Variants in KIAA2012 observed in about 807,000 individuals in gnomAD.
KIAA2012 encodes uncharacterized protein KIAA2012.
A neutral mutation model predicts 150.6 loss-of-function variants in KIAA2012; 125 were observed. That is an observed-to-expected ratio of 0.83 (90% CI 0.72 to 0.96). The LOEUF is 0.96. Among genes scored for constraint, KIAA2012 ranks in the 40% least tolerant of loss-of-function variants. The probability of loss-of-function intolerance (pLI) is 0.00; values close to 1 mark genes in which losing one functional copy is unlikely to be tolerated. For missense variants in KIAA2012, 1,219 were observed against 1,354.9 expected, an observed-to-expected ratio of 0.90 and a Z score of 1.57; for synonymous variants, 462 against 504.7, an observed-to-expected ratio of 0.92 and a Z score of 1.13.
chr2:202,150,638 G>T (rs1226928460), intron 13 of KIAA2012, among the ~76,000 whole-genome samples: 1 of 151,970 alleles, frequency 6.6e-6, no homozygotes, highest in Non-Finnish European at 1.5e-5. Flanking sequence ...TAGTAGAAAT[G>T]GGTTTTGCTG....
intron 2 of KIAA2012, among the ~76,000 whole-genome samples, chr2:202,084,340 G>C (rs1239685774): frequency 6.6e-6 from 1 of 152,162 alleles, no homozygotes; most frequent in Non-Finnish European, 1.5e-5. Flanking sequence ...GCCAGCACTA[G>C]AGCAGGTGGA....
intron 12 of KIAA2012, among the ~76,000 whole-genome samples, chr2:202,132,728 A>ATGTATATATATATGTATATAT (rs1187071863): frequency 3.3e-5 from 2 of 60,550 alleles, no homozygotes. Context: ...ATATATATAT[A>ATGTATATATATATGTATATAT]GTATATATGT....
chr2:202,080,996 C>T (rs1424743398), intron 2 of KIAA2012, among the ~76,000 whole-genome samples: 1 of 152,022 alleles, frequency 6.6e-6, no homozygotes, highest in Admixed American at 6.5e-5. Flanking sequence ...AACAGTAACT[C>T]CCCATTTCCC....
intron 1 of KIAA2012, among the ~76,000 whole-genome samples, chr2:202,074,252 C>T (rs907526868): frequency 1.3e-5 from 2 of 151,994 alleles, no homozygotes; most frequent in African/African-American, 4.8e-5. Context: ...GATAAGAAAC[C>T]TATTGGGGAT....
intron 3 of KIAA2012, among the ~76,000 whole-genome samples, chr2:202,091,256 T>C (rs1021903427): frequency 1.3e-5 from 2 of 152,198 alleles, no homozygotes; most frequent in Non-Finnish European, 2.9e-5. Flanking sequence ...ACCCATCTTT[T>C]ACAAGATAAG....
intron 13 of KIAA2012, among the ~76,000 whole-genome samples, chr2:202,153,139 C>G (rs1691459819): frequency 6.6e-6 from 1 of 152,228 alleles, no homozygotes; most frequent in South Asian, 2.1e-4. Context: ...CTGTTAGTTA[C>G]TCTTTTGTTC....
At chr2:202,075,961 C>T (rs137958940) in intron 2 of KIAA2012, among the ~76,000 whole-genome samples, 198 of 152,364 alleles carry the variant, frequency 1.3e-3, no homozygotes, top group Middle Eastern at 3.4e-3. Context: ...CCCACCTGTT[C>T]CTGTACCACT....
At chr2:202,196,281 G>T (rs564827458) in intron 21 of KIAA2012, among the ~76,000 whole-genome samples, 1 of 133,850 alleles carries the variant, frequency 7.5e-6, no homozygotes, top group South Asian at 2.6e-4. Flanking sequence ...TGCAAGCTCC[G>T]CCTCCCAGGT....
At chr2:202,076,466 A>G (rs1343538830) in intron 2 of KIAA2012, among the ~76,000 whole-genome samples, 1 of 152,360 alleles carries the variant, frequency 6.6e-6, no homozygotes, top group South Asian at 2.1e-4. Flanking sequence ...GAGAAGCTTG[A>G]TGATCCTGAC....
intron 9 of KIAA2012, 186 bp downstream of exon 9, chr2:202,106,096 C>G (rs1690183829): frequency 9.5e-6 from 14 of 1,474,794 alleles, no homozygotes; most frequent in Non-Finnish European, 1.1e-5. Context: ...CTAAAACTAA[C>G]AGTGTCCAGC....
At chr2:202,201,991 G>A (rs1021883933) in intron 22 of KIAA2012, 5 of 609,812 alleles carry the variant, frequency 8.2e-6, no homozygotes, top group South Asian at 3.9e-5. Context: ...TCTGTCTAGC[G>A]TTACCCAACG....
intron 15 of KIAA2012, among the ~76,000 whole-genome samples, chr2:202,171,059 C>G (rs77215662): frequency 9.2e-5 from 14 of 151,872 alleles, no homozygotes; most frequent in African/African-American, 3.1e-4. Flanking sequence ...GAGGGTTCGC[C>G]CCCCACGGGA....
At chr2:202,151,086 C>T (rs551576663) in intron 13 of KIAA2012, among the ~76,000 whole-genome samples, 1 of 152,242 alleles carries the variant, frequency 6.6e-6, no homozygotes, top group Admixed American at 6.5e-5. Context: ...AAAAGATCCC[C>T]TGCTTACCTC....
intron 6 of KIAA2012, 40 bp from the exon 7 acceptor site, chr2:202,100,267 C>T: frequency 1.3e-6 from 2 of 1,532,928 alleles, no homozygotes; most frequent in East Asian, 2.5e-5. Flanking sequence ...ATCCCCCTAC[C>T]TGCAATTAAT....
In KIAA2012 at chr2:202,076,988, G is replaced by A. The variant is rs546006047; in HGVS notation, c.369+1813G>A. 25 of 457,056 alleles carry A rather than the reference G, an allele frequency of 5.5e-5. No individual in the cohort carries two copies. The East Asian group carries it at 1.5e-3, about 28-fold the overall frequency. The allele number at this position is 457,056 out of a possible 1,614,324, so 28.3% of individuals were successfully genotyped here. On this transcript the variant is annotated intron_variant, in intron 2 of 23. Coordinates refer to ENST00000498697, the MANE Select transcript of KIAA2012 (RefSeq NM_001277372.4). The stretch of plus-strand genomic sequence containing the variant: ...GATTGGAGAGGGAGAAGAAGAGGAA[G>A]ACCACAGTATTTCTCCCTTCCCACT...
intron 15 of KIAA2012, among the ~76,000 whole-genome samples, chr2:202,176,256 G>T (rs562709483): frequency 6.6e-6 from 1 of 151,890 alleles, no homozygotes; most frequent in South Asian, 2.1e-4. Flanking sequence ...AAGTGCAATG[G>T]CATGATCTTG....
intron 2 of KIAA2012, among the ~76,000 whole-genome samples, chr2:202,079,136 G>A (rs1025233482): frequency 2.0e-5 from 3 of 152,102 alleles, no homozygotes; most frequent in Non-Finnish European, 2.9e-5. Flanking sequence ...TTTAAACTAC[G>A]GGATTTTACA....
chr2:202,173,025 G>A (rs1574305676), intron 15 of KIAA2012, among the ~76,000 whole-genome samples: 1 of 152,172 alleles, frequency 6.6e-6, no homozygotes, highest in African/African-American at 2.4e-5. Flanking sequence ...GTATTTCAAA[G>A]TTCTCCTTCA....
intron 20 of KIAA2012, 34 bp from the exon 21 acceptor site, chr2:202,194,156 C>G: frequency 6.5e-7 from 1 of 1,548,932 alleles, no homozygotes; most frequent in Non-Finnish European, 8.7e-7. Flanking sequence ...TCAGTGTTTT[C>G]TGCCATTTCC....
Sources: gnomAD v4.1 joint callset for allele counts (sites outside exome capture counted in the v4.1 genomes callset) on GRCh38, gnomAD v4.1.1 for gene constraint, MANE v1.5 for transcripts, NCBI Gene and HGNC (gene_info 2026-07-23, HGNC 2026-07-21) for gene names.